SLC8A1: variants seen among roughly 807,000 people sequenced by gnomAD.
SLC8A1 encodes the protein sodium/calcium exchanger 1.
In SLC8A1, 18 loss-of-function variants were observed where a neutral mutation model predicts 68.3. The observed-to-expected ratio is 0.26, with a 90% confidence interval of 0.18 to 0.39. The LOEUF (loss-of-function observed/expected upper bound fraction) is 0.39, where lower values mean the gene tolerates loss of function less well. Among genes scored for constraint, SLC8A1 ranks in the 10% least tolerant of loss-of-function variants. The pLI, the probability that SLC8A1 is intolerant of heterozygous loss-of-function variation, is 1.00. For synonymous variants in SLC8A1, 475 were observed against 415.5 expected, an observed-to-expected ratio of 1.14 and a Z score of -1.74; for missense variants, 985 against 1,156.7, an observed-to-expected ratio of 0.85 and a Z score of 2.15.
At chr2:40,407,154 C>T (rs915684920) in intron 2 of SLC8A1, among the ~76,000 whole-genome samples, 10 of 152,122 alleles carry the variant, frequency 6.6e-5, no homozygotes, top group African/African-American at 2.4e-4. Flanking sequence ...GCAACCTCTG[C>T]CTCCTAGGTT....
intron 2 of SLC8A1, among the ~76,000 whole-genome samples, chr2:40,389,143 A>C (rs1263358961): frequency 6.6e-6 from 1 of 152,070 alleles, no homozygotes; most frequent in Non-Finnish European, 1.5e-5. Flanking sequence ...CTGAAGCTTA[A>C]CCTAAAATAT....
intron 1 of SLC8A1, among the ~76,000 whole-genome samples, chr2:40,469,980 C>T (rs1703909986): frequency 6.6e-6 from 1 of 152,064 alleles, no homozygotes; most frequent in African/African-American, 2.4e-5. Flanking sequence ...ACTATAATTA[C>T]TTTATCATTA....
intron 1 of SLC8A1, among the ~76,000 whole-genome samples, chr2:40,508,960 T>G (rs1177879847): frequency 6.6e-6 from 1 of 152,154 alleles, no homozygotes; most frequent in African/African-American, 2.4e-5. Context: ...TACGTGATTT[T>G]CATGTGCAAT....
At chr2:40,486,721 CTT>C (rs35556550) in intron 1 of SLC8A1, among the ~76,000 whole-genome samples, 4 of 144,946 alleles carry the variant, frequency 2.8e-5, no homozygotes, top group African/African-American at 7.6e-5. Context: ...TTTTTAATTT[CTT>C]TTTTTTTTTA....
rs561551919 is a variant in SLC8A1, at chr2:40,468,410, A to G, written c.-24-38106T>C. ...ATTGACAATTACTTAGTTTATTTTA[A>G]TTATGAAGACTTTTTATGTCTTTCT... is the stretch of plus-strand genomic sequence containing the variant. On this transcript the variant is annotated intron_variant, in intron 1 of 7. Transcript: ENST00000402441. 2.1e-3 allele frequency among the ~76,000 whole-genome samples: 314 copies of G among 152,230 alleles called. 3 individuals are homozygous for G. Among genetic ancestry groups the G allele is most frequent in the Non-Finnish European group, 3.0e-3 (206 of 67,992 alleles).
At chr2:40,497,194 C>T (rs546242523) in intron 1 of SLC8A1, among the ~76,000 whole-genome samples, 2 of 152,046 alleles carry the variant, frequency 1.3e-5, no homozygotes, top group Admixed American at 6.6e-5. Flanking sequence ...AGACCTCCTG[C>T]TTGGGGCATG....
At chr2:40,198,612 C>G (rs1172970834) in intron 2 of SLC8A1, among the ~76,000 whole-genome samples, 1 of 151,834 alleles carries the variant, frequency 6.6e-6, no homozygotes, top group Non-Finnish European at 1.5e-5. Flanking sequence ...GAAATGAATT[C>G]CACAGTAATA....
chr2:40,357,528 A>G (rs1162301339), intron 2 of SLC8A1, among the ~76,000 whole-genome samples: 4 of 150,850 alleles, frequency 2.7e-5, no homozygotes, highest in Admixed American at 1.3e-4. Context: ...CACAAGATGT[A>G]AACAGTAATA....
chr2:40,483,410 A>G (rs971646363), intron 1 of SLC8A1, among the ~76,000 whole-genome samples: 5 of 152,150 alleles, frequency 3.3e-5, no homozygotes, highest in African/African-American at 1.2e-4. Flanking sequence ...GGTGGGTGAG[A>G]TAGGTATAAA....
chr2:40,405,811 T>G (rs1361733261), intron 2 of SLC8A1, among the ~76,000 whole-genome samples: 1 of 152,146 alleles, frequency 6.6e-6, no homozygotes, highest in Non-Finnish European at 1.5e-5. Context: ...CATGCAACAC[T>G]CCAGCTGTAA....
At chr2:40,104,753 A>T (rs1425748287) in exon 8 of SLC8A1, 1 of 152,192 alleles carries the variant, frequency 6.6e-6, no homozygotes, top group Non-Finnish European at 1.5e-5. Context: ...TGTACATCTG[A>T]AGAAATATAA....
At chr2:40,473,107 C>T (rs1468517040) in intron 1 of SLC8A1, among the ~76,000 whole-genome samples, 1 of 151,964 alleles carries the variant, frequency 6.6e-6, no homozygotes, top group Non-Finnish European at 1.5e-5. Context: ...CTCTGTTTCC[C>T]GAGTATAGTG....
intron 2 of SLC8A1, among the ~76,000 whole-genome samples, chr2:40,286,947 G>A (rs2149212545): frequency 6.6e-6 from 1 of 152,266 alleles, no homozygotes; most frequent in East Asian, 1.9e-4. Flanking sequence ...CAGGCCTTTG[G>A]GCCATCTGAG....
rs370223854 is a variant in SLC8A1 at position 40,462,001 on chromosome 2, CT to C, written c.-24-31698del. Among the ~76,000 whole-genome samples, 34 of 66,164 alleles carry C rather than the reference CT, an allele frequency of 5.1e-4. 1 individual carries two copies. Among genetic ancestry groups the C allele is most frequent in the African/African-American group, 1.2e-3 (19 of 16,486 alleles). 43.4% of individuals were successfully genotyped at this position (66,164 alleles called of 152,430 possible). A position where few individuals can be genotyped will look rare whatever the true frequency, so the allele number is the denominator to read the frequency against. ...CCTCTCATTTTAAAGTAAAATCCTC[CT>C]TTTTTTTTTTTTTTTTTTTTTTGAG... is the stretch of plus-strand genomic sequence containing the variant. On this transcript the variant is annotated intron_variant, in intron 1 of 7. Coordinates refer to the SLC8A1 transcript ENST00000402441.
exon 8 of SLC8A1, chr2:40,109,200 C>A (rs1412687612): frequency 6.6e-6 from 1 of 152,042 alleles, no homozygotes; most frequent in Non-Finnish European, 1.5e-5. Flanking sequence ...ACTTTTCTAC[C>A]ATTTGCATAG....
chr2:40,469,495 T>G (rs1703885371), intron 1 of SLC8A1, among the ~76,000 whole-genome samples: 2 of 152,194 alleles, frequency 1.3e-5, no homozygotes, highest in South Asian at 4.1e-4. Context: ...ACCTGTTTTC[T>G]TCATAAATTA....
chr2:40,410,565 T>C (rs543187645), intron 2 of SLC8A1, among the ~76,000 whole-genome samples: 4 of 152,202 alleles, frequency 2.6e-5, no homozygotes, highest in African/African-American at 7.2e-5. Flanking sequence ...ATTTTTAAAA[T>C]GTATTCTTTT....
intron 7 of SLC8A1, among the ~76,000 whole-genome samples, chr2:40,136,849 T>C (rs2040588485): frequency 6.6e-6 from 1 of 152,204 alleles, no homozygotes; most frequent in African/African-American, 2.4e-5. Flanking sequence ...TTTATATAGA[T>C]ATGATTGTCT....
intron 2 of SLC8A1, among the ~76,000 whole-genome samples, chr2:40,353,052 C>A (rs770636440): frequency 6.6e-6 from 1 of 152,250 alleles, no homozygotes; most frequent in East Asian, 1.9e-4. Flanking sequence ...GCTCTCACAG[C>A]CTTGCTTTTG....
Sources: gnomAD v4.1 joint callset for allele counts (sites outside exome capture counted in the v4.1 genomes callset) on GRCh38, gnomAD v4.1.1 for gene constraint, MANE v1.5 for transcripts, NCBI Gene and HGNC (gene_info 2026-07-23, HGNC 2026-07-21) for gene names.